Variants in LPP observed in about 807,000 individuals in gnomAD.
LPP encodes lipoma-preferred partner.
A neutral mutation model predicts 60.4 loss-of-function variants in LPP; 38 were observed. The ratio of observed to expected loss-of-function variants is 0.63; its 90% CI spans 0.49 to 0.83. The LOEUF (loss-of-function observed/expected upper bound fraction) is 0.83. Ranked by LOEUF, LPP falls within the 40% of genes least tolerant of loss-of-function variation. The pLI is 0.00. For missense variants in LPP, 902 were observed against 783.6 expected (o/e 1.15, Z -1.80); for synonymous variants, 328 against 290.8 (o/e 1.13, Z -1.30).
chr3:188,583,009 A>G (rs530982503), intron 6 of LPP, among the ~76,000 whole-genome samples: 1 of 152,190 alleles, frequency 6.6e-6, no homozygotes, highest in South Asian at 2.1e-4. Context: ...CAATCTATCC[A>G]CCAAGGCTTT....
chr3:188,657,294 A>G (rs1560020088), intron 7 of LPP, among the ~76,000 whole-genome samples: 1 of 143,334 alleles, frequency 7.0e-6, no homozygotes, highest in African/African-American at 2.5e-5. Context: ...CCAAAAGCAG[A>G]TAGTATAGTA....
chr3:188,572,220 T>TA lies in LPP; in HGVS notation c.430-36934dup, dbSNP rs546536270. Among the ~76,000 whole-genome samples the TA allele has an allele frequency of 1.2e-3, 188 of 152,160 alleles. 1 individual carries two copies. The highest frequency in any genetic ancestry group is 3.8e-3 in the African/African-American group (156 of 41,526). ...ATGTATGTAGAGGGGTGACATATGA[T>TA]AAAAAAACTATGGATAATTTTAAGC... On this transcript the variant is annotated intron_variant, in intron 6 of 11. Coordinates refer to ENST00000617246, the MANE Select transcript of LPP (RefSeq NM_001375462.1). This position sits in a 1 kb window ranked among gnomAD's most constrained non-coding sequence, Gnocchi z 4.1.
intron 3 of LPP, among the ~76,000 whole-genome samples, chr3:188,378,336 G>C (rs1042012288): frequency 1.4e-3 from 207 of 152,268 alleles, no homozygotes; most frequent in East Asian, 7.8e-4. Flanking sequence ...AGGCCTCCTT[G>C]AGCTGTGGTG....
chr3:188,607,155 ACACACACACACT>A (rs1842549920), intron 6 of LPP, among the ~76,000 whole-genome samples: 2 of 133,360 alleles, frequency 1.5e-5, no homozygotes, highest in East Asian at 2.0e-4. Context: ...ACACACACAC[ACACACACACACT>A]ATTTAAACAT....
intron 3 of LPP, among the ~76,000 whole-genome samples, chr3:188,393,573 A>C (rs1465309367): frequency 6.6e-6 from 1 of 152,182 alleles, no homozygotes; most frequent in Non-Finnish European, 1.5e-5. Flanking sequence ...ACACTTTTGC[A>C]AAGGGGCACT....
intron 1 of LPP, among the ~76,000 whole-genome samples, chr3:188,205,897 C>T (rs988181490): frequency 5.9e-5 from 9 of 152,298 alleles, no homozygotes; most frequent in Middle Eastern, 3.4e-3. Context: ...CAACCTGAGT[C>T]GCTCTGCTTT....
chr3:188,504,217 T>G (rs571412406), intron 5 of LPP, among the ~76,000 whole-genome samples: 40 of 152,322 alleles, frequency 2.6e-4, no homozygotes, highest in Middle Eastern at 6.8e-3. Context: ...CTGTTAAATC[T>G]GTCTTTGAGT....
chr3:188,575,769 C>T (rs368212402), intron 6 of LPP, among the ~76,000 whole-genome samples: 2 of 152,128 alleles, frequency 1.3e-5, no homozygotes, highest in African/African-American at 4.8e-5. Flanking sequence ...CTGCTGATGA[C>T]GTGGACTTCT....
At chr3:188,222,101 G>A (rs1715996429) in intron 1 of LPP, among the ~76,000 whole-genome samples, 1 of 152,170 alleles carries the variant, frequency 6.6e-6, no homozygotes, top group African/African-American at 2.4e-5. Flanking sequence ...ATATGAAACT[G>A]GGATTTTATT....
chr3:188,372,571 C>T lies in LPP; in HGVS notation c.-10+30852C>T, dbSNP rs113063191. Among the ~76,000 whole-genome samples, 498 of 151,890 alleles carry T rather than the reference C, an allele frequency of 3.3e-3. 4 individuals carry two copies. The highest frequency in any genetic ancestry group is 0.012 in the African/African-American group (477 of 41,446). ...TTTTCTAAACAGACTCTTGTCAGTT[C>T]TCTTCTGATTAGTGTTCCCCTGGGC... On this transcript the variant is annotated intron_variant, in intron 3 of 11. Coordinates refer to ENST00000617246, the MANE Select transcript of LPP (RefSeq NM_001375462.1).
At chr3:188,264,272 A>T (rs73888092) in intron 2 of LPP, among the ~76,000 whole-genome samples, 21 of 147,786 alleles carry the variant, frequency 1.4e-4, no homozygotes, top group South Asian at 2.1e-4. Context: ...TGTGTGTGTG[A>T]GAGAGAGAGA....
At chr3:188,534,094 A>G (rs1822926880) in intron 6 of LPP, among the ~76,000 whole-genome samples, 1 of 152,222 alleles carries the variant, frequency 6.6e-6, no homozygotes, top group Non-Finnish European at 1.5e-5. Flanking sequence ...GTCCCAGTGT[A>G]AGAGCTGGCT....
At chr3:188,437,218 T>C (rs1235754496) in intron 4 of LPP, among the ~76,000 whole-genome samples, 1 of 152,234 alleles carries the variant, frequency 6.6e-6, no homozygotes, top group Non-Finnish European at 1.5e-5. Flanking sequence ...GTGCTTTTTC[T>C]GTAGGATTCA....
At chr3:188,421,201 TTTTA>T (rs1787707079) in intron 4 of LPP, among the ~76,000 whole-genome samples, 1 of 152,148 alleles carries the variant, frequency 6.6e-6, no homozygotes, top group African/African-American at 2.4e-5. Context: ...AACCATGTAT[TTTTA>T]TTTATTTTTC....
intron 2 of LPP, among the ~76,000 whole-genome samples, chr3:188,240,605 A>G (rs1577481558): frequency 1.3e-5 from 2 of 152,268 alleles, no homozygotes; most frequent in East Asian, 1.9e-4. Context: ...AGGATATTAG[A>G]CCAGCAACAT....
At position 188,862,731 on chromosome 3, in the gene LPP, ATAAAT is replaced by A. The variant is rs1578037253; in HGVS notation, c.1411-3468_1411-3464del. 2.2e-3 allele frequency among the ~76,000 whole-genome samples: 290 copies of A among 133,050 alleles called. 4 individuals carry two copies. The highest frequency in any genetic ancestry group is 3.0e-3 in the Non-Finnish European group (194 of 63,742). 87.3% of individuals were successfully genotyped at this position (133,050 alleles called of 152,430 possible). A position where few individuals can be genotyped will look rare whatever the true frequency, so the allele number is the denominator to read the frequency against. ...ACTAGACAAAAAAATAAATAAATAAATAAATAAAAGAAAAAAGAAAAGAAAGAAAG... is the reference window on the plus strand; with the variant it reads ...ACTAGACAAAAAAATAAATAAATAAAAAAAGAAAAAAGAAAAGAAAGAAAG... On this transcript the variant is annotated intron_variant, in intron 9 of 11. Transcript: ENST00000617246.
In LPP at chr3:188,199,307, A is replaced by G. The variant is rs1730386842; in HGVS notation, c.-189-26098A>G. ...ACTTTATTGGTCGGAGTAGTCCCCAACTCGCTTAGATTCAAGGGGAGAGGC... is the reference window on the plus strand; with the variant it reads ...ACTTTATTGGTCGGAGTAGTCCCCAGCTCGCTTAGATTCAAGGGGAGAGGC... On this transcript the variant is annotated intron_variant, in intron 1 of 11. Transcript: ENST00000617246. Among the ~76,000 whole-genome samples, 5 of 151,798 alleles carry G rather than the reference A, an allele frequency of 3.3e-5. No homozygotes were observed. In the South Asian group the frequency reaches 6.3e-4, roughly 19 times the overall value.
chr3:188,231,549 T>C (rs1386407547), intron 2 of LPP, among the ~76,000 whole-genome samples: 1 of 152,012 alleles, frequency 6.6e-6, no homozygotes, highest in Non-Finnish European at 1.5e-5. Flanking sequence ...TAGAGCTTTT[T>C]TGGTAGAAAT....
chr3:188,466,614 A>G (rs1262920797), intron 4 of LPP, among the ~76,000 whole-genome samples: 1 of 151,630 alleles, frequency 6.6e-6, no homozygotes, highest in Non-Finnish European at 1.5e-5. Context: ...CAGGGTTTAT[A>G]AATACCTATT....
Sources: gnomAD v4.1 joint callset for allele counts (sites outside exome capture counted in the v4.1 genomes callset) on GRCh38, gnomAD v4.1.1 for gene constraint, Gnocchi (gnomAD v3.1) non-coding constraint, MANE v1.5 for transcripts, NCBI Gene and HGNC (gene_info 2026-07-23, HGNC 2026-07-21) for gene names.